The following HPSE2 variants were observed in gnomAD, a reference collection of about 807,000 sequenced individuals.
The protein encoded by HPSE2 is inactive heparanase-2.
In HPSE2, 38 loss-of-function variants were observed where a neutral mutation model predicts 60.5. That is an observed-to-expected ratio of 0.63 (90% CI 0.48 to 0.82). The LOEUF (loss-of-function observed/expected upper bound fraction) is 0.82. HPSE2 is among the 40% of genes least tolerant of loss of function. The pLI, the probability that HPSE2 is intolerant of heterozygous loss-of-function variation, is 0.00. For synonymous variants in HPSE2, 295 were observed against 293.2 expected (o/e 1.01, Z -0.06); for missense variants, 713 against 740.4 (o/e 0.96, Z 0.43).
intron 2 of HPSE2, among the ~76,000 whole-genome samples, chr10:99,152,018 T>TA (rs112931347): frequency 4.0e-4 from 59 of 146,190 alleles, no homozygotes; most frequent in South Asian, 1.3e-3. Context: ...TTTCCATATT[T>TA]AAAAAAAAAA....
intron 3 of HPSE2, 130 bp from the exon 4 acceptor site, chr10:98,744,186 A>C (rs2134329441): frequency 1.2e-6 from 1 of 863,538 alleles, no homozygotes; most frequent in East Asian, 2.7e-5. Context: ...GGCTTCTAAA[A>C]GGGACTATTA....
chr10:98,882,591 T>G (rs535191114), intron 3 of HPSE2, among the ~76,000 whole-genome samples: 2 of 152,208 alleles, frequency 1.3e-5, no homozygotes, highest in East Asian at 3.9e-4. Flanking sequence ...CATGCAAGTA[T>G]GTTTAAAGTT....
At chr10:98,569,353 G>A (rs929464165) in intron 9 of HPSE2, among the ~76,000 whole-genome samples, 4 of 152,090 alleles carry the variant, frequency 2.6e-5, no homozygotes, top group East Asian at 1.9e-4. Flanking sequence ...GAGCCACTGC[G>A]CCTGGCCAGA....
At chr10:98,696,822 T>G (rs1357927472) in intron 5 of HPSE2, among the ~76,000 whole-genome samples, 1 of 152,062 alleles carries the variant, frequency 6.6e-6, no homozygotes, top group African/African-American at 2.4e-5. Flanking sequence ...TCTCTACAAC[T>G]CCAGGCTGTG....
chr10:98,615,819 C>G (rs1367515889), intron 8 of HPSE2, among the ~76,000 whole-genome samples: 2 of 152,188 alleles, frequency 1.3e-5, no homozygotes, highest in Non-Finnish European at 2.9e-5. Context: ...GAAACTTCTA[C>G]TTGTAATAAT....
chr10:98,521,689 G>A (rs942897987), intron 9 of HPSE2, among the ~76,000 whole-genome samples: 19 of 152,146 alleles, frequency 1.2e-4, no homozygotes, highest in Admixed American at 8.5e-4. Context: ...GCACACATAC[G>A]ATTATTGCGG....
In HPSE2 at chr10:98,918,650, T is replaced by A. The variant is rs1308174083; in HGVS notation, c.611-174594A>T. On this transcript the variant is annotated intron_variant, in intron 3 of 11. Transcript: ENST00000370552. ...ACAATGAGAACACATGGACACAGGA[T>A]GGGGAACATCACACTCTGGGGACTC... 1.2e-4 allele frequency among the ~76,000 whole-genome samples: 15 copies of A among 122,344 alleles called. No individual in the cohort carries two copies. In the East Asian group the frequency reaches 1.6e-3, roughly 13 times the overall value. The allele number at this position is 122,344 out of a possible 152,430, so 80.3% of individuals were successfully genotyped here.
chr10:98,586,254 T>C (rs1221490674), intron 9 of HPSE2, among the ~76,000 whole-genome samples: 1 of 152,214 alleles, frequency 6.6e-6, no homozygotes, highest in East Asian at 1.9e-4. Context: ...GCATCGTATT[T>C]TGACATATTT....
rs1350389916 is a variant in HPSE2, at chr10:98,937,226, C to G, written c.611-193170G>C. On this transcript the variant is annotated intron_variant, in intron 3 of 11. Coordinates refer to ENST00000370552, the MANE Select transcript of HPSE2 (RefSeq NM_021828.5). ...GTTCATCTCACTAGGGAGTGCCAGACAGTGGGCGCAGGACAGTGGGTGCAG... is the reference window on the plus strand; with the variant it reads ...GTTCATCTCACTAGGGAGTGCCAGAGAGTGGGCGCAGGACAGTGGGTGCAG... 2.1e-5 allele frequency among the ~76,000 whole-genome samples: 3 copies of G among 143,750 alleles called. 1 individual carries two copies. The highest frequency in any genetic ancestry group is 4.5e-5 in the Non-Finnish European group (3 of 67,144). 94.3% of individuals were successfully genotyped at this position (143,750 alleles called of 152,430 possible).
intron 5 of HPSE2, among the ~76,000 whole-genome samples, chr10:98,698,622 G>A (rs953564443): frequency 3.6e-4 from 54 of 151,924 alleles, no homozygotes; most frequent in African/African-American, 1.1e-3. Context: ...CTAGCAGAAG[G>A]CAAGAAATAA....
chr10:98,788,743 A>C (rs1032997092), intron 3 of HPSE2, among the ~76,000 whole-genome samples: 7 of 151,514 alleles, frequency 4.6e-5, no homozygotes, highest in Non-Finnish European at 8.8e-5. Flanking sequence ...TTGACTCGGA[A>C]AGGGAACTCC....
the HPSE2 span, among the ~76,000 whole-genome samples, chr10:99,264,612 T>C: frequency 6.6e-6 from 1 of 152,334 alleles, no homozygotes; most frequent in South Asian, 2.1e-4. Flanking sequence ...AGCAAATAAT[T>C]ACATTGAACC....
intron 3 of HPSE2, among the ~76,000 whole-genome samples, chr10:98,879,297 T>C (rs537912521): frequency 1.3e-4 from 20 of 152,170 alleles, no homozygotes; most frequent in African/African-American, 4.6e-4. Flanking sequence ...GCTCAGTAGT[T>C]TGTTTTAAGG....
intron 9 of HPSE2, among the ~76,000 whole-genome samples, chr10:98,593,169 T>C (rs758255908): frequency 1.3e-5 from 2 of 152,192 alleles, no homozygotes; most frequent in African/African-American, 4.8e-5. Flanking sequence ...ATTTAAACTA[T>C]GATAGAAGGA....
At chr10:98,765,559 G>A (rs932916816) in intron 3 of HPSE2, among the ~76,000 whole-genome samples, 2 of 152,156 alleles carry the variant, frequency 1.3e-5, no homozygotes, top group African/African-American at 4.8e-5. Context: ...AAATGAAGAG[G>A]CCAGGCATGG....
At chr10:99,165,615 C>T (rs1177473388) in intron 2 of HPSE2, among the ~76,000 whole-genome samples, 4 of 150,914 alleles carry the variant, frequency 2.7e-5, no homozygotes, top group Non-Finnish European at 5.9e-5. Flanking sequence ...GGTGTGATCT[C>T]GGCTCACTGC....
At chr10:98,970,896 T>G (rs1955936200) in intron 3 of HPSE2, among the ~76,000 whole-genome samples, 1 of 152,172 alleles carries the variant, frequency 6.6e-6, no homozygotes, top group Non-Finnish European at 1.5e-5. Context: ...GCCTGTTAAA[T>G]TTTAAAAAGT....
chr10:98,957,508 C>T (rs1955539678), intron 3 of HPSE2, among the ~76,000 whole-genome samples: 1 of 152,124 alleles, frequency 6.6e-6, no homozygotes, highest in African/African-American at 2.4e-5. Flanking sequence ...TGGAGTATTT[C>T]CAGTCCCCTT....
chr10:98,580,257 A>G (rs748796944), intron 9 of HPSE2, among the ~76,000 whole-genome samples: 17 of 152,044 alleles, frequency 1.1e-4, no homozygotes, highest in Non-Finnish European at 2.1e-4. Context: ...GAAATTTACT[A>G]GGCCCTTCAA....
Sources: allele counts gnomAD v4.1 joint callset (sites outside exome capture counted in the v4.1 genomes callset), GRCh38; gene constraint gnomAD v4.1.1; transcripts MANE v1.5; gene names NCBI Gene and HGNC (gene_info 2026-07-23, HGNC 2026-07-21).